The following ASB2 variants were observed in gnomAD, a reference collection of about 807,000 sequenced individuals.
The protein encoded by ASB2 is ankyrin repeat and SOCS box protein 2.
ASB2 carries 58 observed loss-of-function variants against 62.4 expected under a neutral mutation model. The ratio of observed to expected loss-of-function variants is 0.93; its 90% confidence interval spans 0.75 to 1.16. The LOEUF is 1.16. Among genes scored for constraint, ASB2 ranks in the 50% most tolerant of loss-of-function variants. The pLI is 0.00. For missense variants in ASB2, 928 were observed against 887.9 expected, an observed-to-expected ratio of 1.05 and a Z score of -0.57; for synonymous variants, 386 against 385.3, an observed-to-expected ratio of 1.00 and a Z score of -0.02.
Position 93,956,774 on chromosome 14 carries a change from G to C in ASB2, c.303C>G (p.Ser101=). Residue 101 remains serine, a synonymous_variant, in exon 3 of 10, where the codon TCC becomes TCG. Transcript: ENST00000555019. ...QKYSSSLFKT[S]QLAPADPLIK... ...AGACAGGAGTCACTTACGCCAGCTGGGAGGTCTTGAACAAGCTGCTGCTGT... is the reference window on the plus strand; with the variant it reads ...AGACAGGAGTCACTTACGCCAGCTGCGAGGTCTTGAACAAGCTGCTGCTGT... 1 of 1,614,190 alleles carries C rather than the reference G, an allele frequency of 6.2e-7. No homozygotes were observed. The highest frequency in any genetic ancestry group is 8.5e-7 in the Non-Finnish European group (1 of 1,180,030).
At chr14:93,973,830 TG>T (rs1889832064) in intron 1 of ASB2, 1 of 152,654 alleles carries the variant, frequency 6.6e-6, no homozygotes, top group African/African-American at 2.4e-5. Flanking sequence ...AAGGTGGGGG[TG>T]ACAGGGGTGG....
chr14:93,954,611 A>G, intron 3 of ASB2, 128 bp from the exon 4 acceptor site: 1 of 754,454 alleles, frequency 1.3e-6, no homozygotes, highest in South Asian at 1.8e-5. Flanking sequence ...ATGAGCACTC[A>G]GCCCCCTGCA....
intron 3 of ASB2, among the ~76,000 whole-genome samples, chr14:93,956,522 A>AG (rs3835251): frequency 0.25 from 37,711 of 151,896 alleles, 5,055 homozygotes; most frequent in East Asian, 0.38. Context: ...GGGGCATCTG[A>AG]GGGGGGGATC....
At chr14:93,935,431 T>TTCAG (rs1888239864) in intron 9 of ASB2, among the ~76,000 whole-genome samples, 1 of 152,078 alleles carries the variant, frequency 6.6e-6, no homozygotes, top group South Asian at 2.1e-4. Context: ...ATGTCATTCA[T>TTCAG]TCATTCATTC....
chr14:93,964,580 A>C lies in ASB2; in HGVS notation c.-41T>G. ...ACCCTGGCCTCCAGAACAGACACCCAGTGGGGAGGAGGGAACAGCAAATCA... is the reference window on the plus strand; with the variant it reads ...ACCCTGGCCTCCAGAACAGACACCCCGTGGGGAGGAGGGAACAGCAAATCA... On this transcript the variant is annotated 5_prime_UTR_variant, in exon 2 of 10. Transcript: ENST00000555019. 1 of 1,519,652 alleles carries C rather than the reference A, an allele frequency of 6.6e-7. No homozygotes were observed. Among genetic ancestry groups the C allele is most frequent in the Non-Finnish European group, 8.8e-7 (1 of 1,132,196 alleles). 94.1% of individuals were successfully genotyped at this position (1,519,652 alleles called of 1,614,324 possible).
intron 2 of ASB2, 136 bp downstream of exon 2, chr14:93,964,198 C>T (rs1889505255): frequency 2.6e-6 from 2 of 769,696 alleles, no homozygotes; most frequent in Non-Finnish European, 4.3e-6. Flanking sequence ...GTTCAGATAA[C>T]AAATGTAAAT....
chr14:93,939,680 G>A lies in ASB2; in HGVS notation c.1053-8C>T. On this transcript the variant is annotated splice_polypyrimidine_tract_variant and splice_region_variant and intron_variant, in intron 7 of 9. Transcript: ENST00000555019. Reference sequence around the variant, plus strand: ...AGCAGCATCTGCACGATCCTGCCGGGTCGAGGGGCGGGCGCGGGTGAGGGG... The same window carrying A: ...AGCAGCATCTGCACGATCCTGCCGGATCGAGGGGCGGGCGCGGGTGAGGGG... 1 of 1,434,318 alleles carries A rather than the reference G, an allele frequency of 7.0e-7. No homozygotes were observed. 88.8% of individuals were successfully genotyped at this position (1,434,318 alleles called of 1,614,324 possible). A position where few individuals can be genotyped will look rare whatever the true frequency, so the allele number is the denominator to read the frequency against.
intron 7 of ASB2, chr14:93,944,195 T>C: frequency 2.9e-6 from 1 of 344,434 alleles, no homozygotes; most frequent in South Asian, 2.2e-5. Flanking sequence ...GGTTGGACAC[T>C]ACTGTTTTGG....
chr14:93,952,092 G>A (rs572827601), intron 5 of ASB2, among the ~76,000 whole-genome samples: 102 of 152,364 alleles, frequency 6.7e-4, no homozygotes, highest in African/African-American at 2.3e-3. Flanking sequence ...GCAGCAGGGG[G>A]AGGAGGGCTG....
At chr14:93,954,538 G>A (rs1004426532) in intron 3 of ASB2, 55 bp from the exon 4 acceptor site, 1 of 1,558,226 alleles carries the variant, frequency 6.4e-7, no homozygotes, top group Non-Finnish European at 8.8e-7. Flanking sequence ...CCAGGCCAGG[G>A]GGCCTCTCTC....
intron 1 of ASB2, among the ~76,000 whole-genome samples, chr14:93,969,558 T>C (rs1432089013): frequency 3.3e-5 from 5 of 151,952 alleles, no homozygotes; most frequent in African/African-American, 1.2e-4. Flanking sequence ...TGTCTGGGGG[T>C]TGGGCGGCCT....
chr14:93,947,293 A>C lies in ASB2; in HGVS notation c.1052+56T>G. On this transcript the variant is annotated intron_variant, in intron 7 of 9. Transcript: ENST00000555019. Reference sequence around the variant, plus strand: ...GGCAGGCCCACCCCTCCAATCCCCTACTCCCAGTGTGGGCCTCGGGAGAGC... The same window carrying C: ...GGCAGGCCCACCCCTCCAATCCCCTCCTCCCAGTGTGGGCCTCGGGAGAGC... The C allele has an allele frequency of 3.1e-6, 5 of 1,589,672 alleles. No individual in the cohort carries two copies. In the South Asian group the frequency reaches 4.5e-5, roughly 14 times the overall value.
intron 5 of ASB2, among the ~76,000 whole-genome samples, chr14:93,953,064 C>T (rs956613938): frequency 2.0e-5 from 3 of 152,218 alleles, no homozygotes; most frequent in Non-Finnish European, 2.9e-5. Context: ...CTGCCAAGCC[C>T]TTTCCTGCTC....
At chr14:93,942,083 T>G in intron 7 of ASB2, 1 of 440,226 alleles carries the variant, frequency 2.3e-6, no homozygotes, top group South Asian at 1.6e-5. Flanking sequence ...AGCGGCCACG[T>G]TGGTAGCCCC....
chr14:93,951,346 G>C, intron 5 of ASB2, 102 bp from the exon 6 acceptor site: 1 of 1,348,576 alleles, frequency 7.4e-7, no homozygotes, highest in Non-Finnish European at 1.0e-6. Flanking sequence ...CACTCATTCA[G>C]CTTTCCACTG....
At chr14:93,940,019 T>G in intron 7 of ASB2, 3 of 278,734 alleles carry the variant, frequency 1.1e-5, no homozygotes, top group Non-Finnish European at 1.3e-5. Flanking sequence ...CAGACTGCAC[T>G]AGGGTTTCAA....
chr14:93,953,764 T>C (rs2180085), intron 4 of ASB2, among the ~76,000 whole-genome samples: 132,592 of 152,212 alleles, frequency 0.87, 58,298 homozygotes, highest in African/African-American at 0.97. Context: ...TCCTGTCCTT[T>C]CCTCGAACTC....
At chr14:93,960,845 A>G (rs1212256048) in intron 2 of ASB2, among the ~76,000 whole-genome samples, 2 of 152,154 alleles carry the variant, frequency 1.3e-5, no homozygotes, top group Non-Finnish European at 2.9e-5. Flanking sequence ...TATAATAATG[A>G]TCAATTGCAT....
At chr14:93,964,306 C>A (rs1211428222) in intron 2 of ASB2, 28 bp downstream of exon 2, 23 of 1,533,002 alleles carry the variant, frequency 1.5e-5, no homozygotes, top group Admixed American at 2.0e-5. Flanking sequence ...GATGGCCCCA[C>A]TTCCCTCATC....
Sources: allele counts gnomAD v4.1 joint callset (sites outside exome capture counted in the v4.1 genomes callset), GRCh38; gene constraint gnomAD v4.1.1; transcripts MANE v1.5; gene names NCBI Gene and HGNC (gene_info 2026-07-23, HGNC 2026-07-21).